Variants in ETV6 observed in about 807,000 individuals in gnomAD.
The protein encoded by ETV6 is transcription factor ETV6.
In ETV6, 16 loss-of-function variants were observed where a neutral mutation model predicts 51.1. The observed-to-expected ratio is 0.31, with a 90% CI of 0.21 to 0.48. ETV6 has a LOEUF of 0.48. Among genes scored for constraint, ETV6 ranks in the 20% least tolerant of loss-of-function variants. ETV6 has a pLI of 0.99. For synonymous variants in ETV6, 240 were observed against 224.1 expected (o/e 1.07, Z -0.64); for missense variants, 458 against 594.8 (o/e 0.77, Z 2.39).
intron 2 of ETV6, among the ~76,000 whole-genome samples, chr12:11,812,678 C>T (rs945102424): frequency 1.3e-5 from 2 of 152,132 alleles, no homozygotes; most frequent in Non-Finnish European, 1.5e-5. Context: ...CACCACAAAG[C>T]CACGCTTTCT....
intron 1 of ETV6, among the ~76,000 whole-genome samples, chr12:11,680,593 T>C (rs757913998): frequency 1.8e-4 from 28 of 152,264 alleles, no homozygotes; most frequent in Admixed American, 3.9e-4. Context: ...AAGACTCATG[T>C]GAGGGGAAGA....
At chr12:11,845,173 G>A (rs1460102916) in intron 3 of ETV6, among the ~76,000 whole-genome samples, 1 of 152,200 alleles carries the variant, frequency 6.6e-6, no homozygotes, top group African/African-American at 2.4e-5. Flanking sequence ...TTGTGAAATG[G>A]AGGTGGGCAC....
At chr12:11,738,427 C>T (rs925513967) in intron 1 of ETV6, among the ~76,000 whole-genome samples, 1 of 151,480 alleles carries the variant, frequency 6.6e-6, no homozygotes, top group African/African-American at 2.4e-5. Context: ...GTGATCCTCC[C>T]ACCTCAGCCT....
intron 1 of ETV6, among the ~76,000 whole-genome samples, chr12:11,671,730 CTAT>C (rs1452145190): frequency 6.6e-6 from 1 of 152,156 alleles, no homozygotes; most frequent in Non-Finnish European, 1.5e-5. Context: ...GGTCCCAAGG[CTAT>C]TATTGCCATA....
chr12:11,874,543 TAC>T lies in ETV6; in HGVS notation c.1009+4580_1009+4581del, dbSNP rs1278008458. Among the ~76,000 whole-genome samples, 2 of 12,230 alleles carry T rather than the reference TAC, an allele frequency of 1.6e-4. 1 individual carries two copies. The highest frequency in any genetic ancestry group is 3.1e-4 in the African/African-American group (2 of 6,406). The allele number at this position is 12,230 out of a possible 152,430, so 8.0% of individuals were successfully genotyped here. A position where few individuals can be genotyped will look rare whatever the true frequency, so the allele number is the denominator to read the frequency against. On this transcript the variant is annotated intron_variant, in intron 5 of 7. Transcript: ENST00000396373. ...ACACATATATGTGTATGTGCGTGTG[TAC>T]ACACATATATGTGTATGTGCGTGTG...
chr12:11,684,577 A>G (rs1056814743), intron 1 of ETV6, among the ~76,000 whole-genome samples: 1 of 152,206 alleles, frequency 6.6e-6, no homozygotes, highest in African/African-American at 2.4e-5. Flanking sequence ...CTACGTGACT[A>G]ATCTTGTTTT....
intron 7 of ETV6, among the ~76,000 whole-genome samples, chr12:11,889,182 G>C (rs1947250821): frequency 6.6e-6 from 1 of 152,146 alleles, no homozygotes; most frequent in Non-Finnish European, 1.5e-5. Context: ...CTTCGGATGT[G>C]GAGGGAGAAA....
chr12:11,656,362 A>G (rs1863999466), intron 1 of ETV6, among the ~76,000 whole-genome samples: 1 of 152,258 alleles, frequency 6.6e-6, no homozygotes, highest in Admixed American at 6.5e-5. Flanking sequence ...GAAGAAAATT[A>G]GGAAACTTGA....
At chr12:11,730,468 C>T (rs1445596028) in intron 1 of ETV6, among the ~76,000 whole-genome samples, 1 of 152,216 alleles carries the variant, frequency 6.6e-6, no homozygotes, top group East Asian at 1.9e-4. Flanking sequence ...TCACCAAGGC[C>T]TCAGAGAGCT....
chr12:11,805,062 C>G (rs1017549189), intron 2 of ETV6, among the ~76,000 whole-genome samples: 12 of 152,174 alleles, frequency 7.9e-5, no homozygotes, highest in African/African-American at 2.9e-4. Context: ...AGGGAAATGT[C>G]CTTTCATCTG....
intron 2 of ETV6, among the ~76,000 whole-genome samples, chr12:11,770,188 C>T (rs1450999259): frequency 6.6e-6 from 1 of 152,110 alleles, no homozygotes. Flanking sequence ...AAGGAACAAG[C>T]CTCGTTGGCC....
intron 5 of ETV6, among the ~76,000 whole-genome samples, chr12:11,883,570 C>G (rs1947139703): frequency 6.6e-6 from 1 of 152,094 alleles, no homozygotes. Context: ...GCTGGGATTA[C>G]AGGCGTGAGC....
intron 5 of ETV6, among the ~76,000 whole-genome samples, chr12:11,871,166 C>G (rs1297718244): frequency 6.6e-6 from 1 of 151,706 alleles, no homozygotes; most frequent in Non-Finnish European, 1.5e-5. Flanking sequence ...CTCCTACAAG[C>G]CTACTTTACT....
At chr12:11,831,638 A>G (rs1161525838) in intron 2 of ETV6, among the ~76,000 whole-genome samples, 1 of 152,230 alleles carries the variant, frequency 6.6e-6, no homozygotes, top group Non-Finnish European at 1.5e-5. Flanking sequence ...CTGAGTGTCA[A>G]TTCTTTGAAT....
intron 2 of ETV6, among the ~76,000 whole-genome samples, chr12:11,806,663 C>G (rs1358811748): frequency 1.3e-5 from 2 of 152,190 alleles, no homozygotes; most frequent in African/African-American, 4.8e-5. Flanking sequence ...AGAGGCGGCT[C>G]GTCCTCAAGG....
At chr12:11,761,026 C>T (rs1234840849) in intron 2 of ETV6, among the ~76,000 whole-genome samples, 3 of 152,020 alleles carry the variant, frequency 2.0e-5, no homozygotes, top group Non-Finnish European at 2.9e-5. Context: ...ATACCTGAGG[C>T]TCAGGTAAAC....
chr12:11,729,692 T>C (rs1345296752), intron 1 of ETV6, among the ~76,000 whole-genome samples: 1 of 152,238 alleles, frequency 6.6e-6, no homozygotes, highest in Non-Finnish European at 1.5e-5. Context: ...GTCTTGACCT[T>C]GGTTAGATAC....
chr12:11,658,484 C>G (rs1468003673), intron 1 of ETV6, among the ~76,000 whole-genome samples: 14 of 152,240 alleles, frequency 9.2e-5, no homozygotes, highest in Non-Finnish European at 1.5e-5. Context: ...ATCCTCCTGC[C>G]TCGGCCTCTG....
chr12:11,803,192 A>G (rs947230816), intron 2 of ETV6, among the ~76,000 whole-genome samples: 1 of 152,198 alleles, frequency 6.6e-6, no homozygotes, highest in Non-Finnish European at 1.5e-5. Context: ...TAATCATTTC[A>G]GCATCAGAAT....
Sources: allele counts gnomAD v4.1 joint callset (sites outside exome capture counted in the v4.1 genomes callset), GRCh38; gene constraint gnomAD v4.1.1; transcripts MANE v1.5; gene names NCBI Gene and HGNC (gene_info 2026-07-23, HGNC 2026-07-21).